The following PDE4D variants were observed in gnomAD, a reference collection of about 807,000 sequenced individuals.
The protein encoded by PDE4D is phosphodiesterase 4D.
In PDE4D, 24 loss-of-function variants were observed where a neutral mutation model predicts 87.4. That is an observed-to-expected ratio of 0.27 (90% confidence interval 0.20 to 0.39). PDE4D has a LOEUF of 0.39. Ranked by LOEUF, PDE4D falls within the 10% of genes least tolerant of loss-of-function variation. The pLI, the probability that PDE4D is intolerant of heterozygous loss-of-function variation, is 1.00. For missense variants in PDE4D, 714 were observed against 1,041.0 expected (o/e 0.69, Z 4.32); for synonymous variants, 384 against 383.2 (o/e 1.00, Z -0.02).
At chr5:59,992,690 T>G (rs1369700021) in intron 2 of PDE4D, among the ~76,000 whole-genome samples, 1 of 152,212 alleles carries the variant, frequency 6.6e-6, no homozygotes, top group Non-Finnish European at 1.5e-5. Flanking sequence ...ACATTCTTTT[T>G]TAGATAAAAC....
At chr5:59,567,896 C>A (rs967819391) in intron 1 of PDE4D, among the ~76,000 whole-genome samples, 2 of 152,112 alleles carry the variant, frequency 1.3e-5, no homozygotes, top group Non-Finnish European at 2.9e-5. Context: ...ATTTATGCTT[C>A]CTGATTGTTA....
At chr5:59,124,570 A>G (rs1339500535) in intron 5 of PDE4D, among the ~76,000 whole-genome samples, 1 of 152,190 alleles carries the variant, frequency 6.6e-6, no homozygotes, top group African/African-American at 2.4e-5. Flanking sequence ...TTACTTTACT[A>G]CTGCTGATCT....
chr5:59,466,958 G>A (rs752607415), intron 1 of PDE4D, among the ~76,000 whole-genome samples: 11 of 152,112 alleles, frequency 7.2e-5, no homozygotes, highest in Non-Finnish European at 1.6e-4. Context: ...GACTATATTT[G>A]GAGACAGGGT....
At chr5:60,312,248 A>T (rs1755108797) in intron 1 of PDE4D, among the ~76,000 whole-genome samples, 1 of 152,208 alleles carries the variant, frequency 6.6e-6, no homozygotes, top group Non-Finnish European at 1.5e-5. Flanking sequence ...AATATACATT[A>T]TTCTCATCTG....
chr5:60,111,062 G>C (rs752226241), intron 2 of PDE4D, among the ~76,000 whole-genome samples: 8 of 151,996 alleles, frequency 5.3e-5, no homozygotes, highest in Non-Finnish European at 1.2e-4. Flanking sequence ...ATTATAGCTA[G>C]ATGAGAGGAA....
At chr5:60,007,303 G>A (rs35660886) in intron 2 of PDE4D, among the ~76,000 whole-genome samples, 194 of 152,072 alleles carry the variant, frequency 1.3e-3, no homozygotes, top group Non-Finnish European at 1.5e-3. Context: ...TCAAGGCAAC[G>A]TGTGTTTTGT....
chr5:59,044,113 C>A (rs1019418047), intron 5 of PDE4D, among the ~76,000 whole-genome samples: 3 of 152,088 alleles, frequency 2.0e-5, no homozygotes, highest in Non-Finnish European at 4.4e-5. Flanking sequence ...TAGTTCTAGA[C>A]CCTTGAGGAA....
chr5:59,978,419 G>C (rs756330183), intron 3 of PDE4D, among the ~76,000 whole-genome samples: 2 of 152,188 alleles, frequency 1.3e-5, no homozygotes, highest in Non-Finnish European at 2.9e-5. Context: ...AGATGTGCTG[G>C]AAATTGCAAG....
intron 2 of PDE4D, among the ~76,000 whole-genome samples, chr5:60,026,790 G>A (rs1766676239): frequency 1.3e-5 from 2 of 152,202 alleles, no homozygotes; most frequent in African/African-American, 2.4e-5. Flanking sequence ...ATGATTTGCC[G>A]TGGCATTTAA....
intron 2 of PDE4D, among the ~76,000 whole-genome samples, chr5:60,053,264 G>A (rs970757079): frequency 6.6e-6 from 1 of 152,148 alleles, no homozygotes; most frequent in African/African-American, 2.4e-5. Flanking sequence ...CAAAGCTGGA[G>A]GCATCATGCT....
At chr5:60,241,323 G>A (rs1352446343) in intron 1 of PDE4D, among the ~76,000 whole-genome samples, 1 of 146,780 alleles carries the variant, frequency 6.8e-6, no homozygotes, top group Non-Finnish European at 1.5e-5. Context: ...ACCCAGGCTG[G>A]AGGGTAGTGG....
intron 2 of PDE4D, among the ~76,000 whole-genome samples, chr5:60,081,106 G>A (rs1020159499): frequency 3.9e-5 from 6 of 151,990 alleles, no homozygotes; most frequent in Non-Finnish European, 7.4e-5. Context: ...GTTTTGTCTT[G>A]GTAGGATGTA....
At chr5:59,074,378 A>G (rs1413649332) in intron 5 of PDE4D, among the ~76,000 whole-genome samples, 1 of 152,168 alleles carries the variant, frequency 6.6e-6, no homozygotes, top group Non-Finnish European at 1.5e-5. Flanking sequence ...ATGGAGGAAA[A>G]AGTGAGTTAT....
intron 5 of PDE4D, among the ~76,000 whole-genome samples, chr5:59,122,968 T>C (rs1306018827): frequency 6.6e-6 from 1 of 152,196 alleles, no homozygotes. Flanking sequence ...CAAAGAGTCC[T>C]GTAACATCAG....
intron 2 of PDE4D, among the ~76,000 whole-genome samples, chr5:60,146,633 A>G (rs1781023122): frequency 6.6e-6 from 1 of 152,248 alleles, no homozygotes; most frequent in Admixed American, 6.5e-5. Flanking sequence ...ATGGGAATGC[A>G]TCGAACTAAA....
At chr5:59,032,561 G>C (rs1052843237) in intron 6 of PDE4D, among the ~76,000 whole-genome samples, 3 of 152,200 alleles carry the variant, frequency 2.0e-5, no homozygotes, top group African/African-American at 4.8e-5. Context: ...CCTGGCGACA[G>C]AGCGAGACTC....
intron 1 of PDE4D, among the ~76,000 whole-genome samples, chr5:59,780,393 C>G (rs919601297): frequency 6.6e-6 from 1 of 152,190 alleles, no homozygotes; most frequent in African/African-American, 2.4e-5. Flanking sequence ...TCAATTTTAG[C>G]TCTTTAACAA....
intron 1 of PDE4D, among the ~76,000 whole-genome samples, chr5:59,382,688 C>G (rs1458585423): frequency 2.0e-5 from 3 of 151,944 alleles, no homozygotes; most frequent in Non-Finnish European, 4.4e-5. Flanking sequence ...TCCCTGGACC[C>G]AGGAAATCTG....
In PDE4D at chr5:59,193,414, T is replaced by C. The variant is rs1258251876; in HGVS notation, c.684+86A>G. On this transcript the variant is annotated intron_variant, in intron 3 of 14. Coordinates refer to ENST00000340635, the MANE Select transcript of PDE4D (RefSeq NM_001104631.2). ...TTTGTACTTGTGCTTGATTTAAAAT[T>C]AAATTAAATTAATAACCCGAACTAA... The C allele has an allele frequency of 5.8e-6, 7 of 1,198,552 alleles. 1 individual carries two copies. The South Asian group carries it at 9.4e-5, about 16-fold the overall frequency. The allele number at this position is 1,198,552 out of a possible 1,614,324, so 74.2% of individuals were successfully genotyped here. A position where few individuals can be genotyped will look rare whatever the true frequency, so the allele number is the denominator to read the frequency against.
Sources: allele counts gnomAD v4.1 joint callset (sites outside exome capture counted in the v4.1 genomes callset), GRCh38; gene constraint gnomAD v4.1.1; transcripts MANE v1.5; gene names NCBI Gene and HGNC (gene_info 2026-07-23, HGNC 2026-07-21).